Variants in LNX1 observed in about 807,000 individuals in gnomAD.
The protein encoded by LNX1 is E3 ubiquitin-protein ligase LNX.
In LNX1, 54 loss-of-function variants were observed where a neutral mutation model predicts 68.4. The observed-to-expected ratio is 0.79, with a 90% CI of 0.63 to 0.99. The LOEUF (loss-of-function observed/expected upper bound fraction) is 0.99. Ranked by LOEUF, LNX1 falls within the 50% of genes least tolerant of loss-of-function variation. The pLI, the probability that LNX1 is intolerant of heterozygous loss-of-function variation, is 0.00. For missense variants in LNX1, 906 were observed against 926.4 expected (o/e 0.98, Z 0.29); for synonymous variants, 336 against 350.0 (o/e 0.96, Z 0.45).
At position 53,545,802 on chromosome 4, in the gene LNX1, ATTT is replaced by A. The variant is rs71197029; in HGVS notation, c.380+27818_380+27820del. 3.1e-3 allele frequency among the ~76,000 whole-genome samples: 345 copies of A among 111,600 alleles called. 1 individual carries two copies. The highest frequency in any genetic ancestry group is 9.2e-3 in the African/African-American group (255 of 27,678). 73.2% of individuals were successfully genotyped at this position (111,600 alleles called of 152,430 possible). On this transcript the variant is annotated intron_variant, in intron 2 of 10. Transcript: ENST00000263925. The stretch of plus-strand genomic sequence containing the variant: ...AGATTTGAATGACTTCAGAGGCCAC[ATTT>A]TTTTTTTTTTTTTTTTTTTTGAGAC...
intron 9 of LNX1, among the ~76,000 whole-genome samples, chr4:53,470,442 C>T (rs1431635591): frequency 6.6e-6 from 1 of 152,158 alleles, no homozygotes; most frequent in African/African-American, 2.4e-5. Context: ...GACAGGGATG[C>T]CCTCTCTCAC....
At chr4:53,610,649 A>C (rs1403663903) in intron 2 of LNX1, among the ~76,000 whole-genome samples, 1 of 147,396 alleles carries the variant, frequency 6.8e-6, no homozygotes, top group Non-Finnish European at 1.5e-5. Context: ...CAGAGCCTGC[A>C]GTGAGCCGAG....
chr4:53,554,382 A>T (rs1278587009), intron 2 of LNX1, among the ~76,000 whole-genome samples: 1 of 152,236 alleles, frequency 6.6e-6, no homozygotes, highest in African/African-American at 2.4e-5. Context: ...AAGTCGTTAT[A>T]AACTATTGGC....
chr4:53,528,531 T>C (rs1444058653), intron 2 of LNX1, among the ~76,000 whole-genome samples: 1 of 152,230 alleles, frequency 6.6e-6, no homozygotes, highest in African/African-American at 2.4e-5. Flanking sequence ...AATTATTGTA[T>C]AGCATTGTTA....
In LNX1 at chr4:53,496,363, T is replaced by C; in HGVS notation, c.1010A>G (p.His337Arg). The C allele has an allele frequency of 6.2e-7, 1 of 1,613,172 alleles. No homozygotes were observed. Among genetic ancestry groups the C allele is most frequent in the Non-Finnish European group, 8.5e-7 (1 of 1,179,354 alleles). Residue 337 changes from histidine (H) to arginine (R), a missense_variant, in exon 6 of 11, where the codon CAC (histidine) becomes CGC (arginine). Physicochemically the swap from His to Arg is conservative, Grantham distance 29. Coordinates refer to ENST00000263925, the MANE Select transcript of LNX1 (RefSeq NM_001126328.3). ...CCGCAGGAGACGCACAGCGTAGTTGTGAGGGACATTGCTGATGTCCATCCC... is the reference window on the plus strand; with the variant it reads ...CCGCAGGAGACGCACAGCGTAGTTGCGAGGGACATTGCTGATGTCCATCCC... Reference protein sequence around the residue: ...VNGMDISNVPHNYAVRLLRQP... With the variant: ...VNGMDISNVPRNYAVRLLRQP...
chr4:53,620,860 C>T (rs556063106), upstream of LNX1, among the ~76,000 whole-genome samples: 54 of 152,230 alleles, frequency 3.5e-4, no homozygotes, highest in African/African-American at 1.1e-3. Context: ...TGCATGTGTT[C>T]GCCACTCAGG....
intron 1 of LNX1, among the ~76,000 whole-genome samples, chr4:53,650,239 A>G (rs907611620): frequency 2.0e-5 from 3 of 152,174 alleles, no homozygotes; most frequent in African/African-American, 7.2e-5. Context: ...CCTTAAATAC[A>G]TTACATAGGG....
At chr4:53,478,426 C>T (rs1049615880) in intron 8 of LNX1, 139 bp downstream of exon 8, 10 of 719,078 alleles carry the variant, frequency 1.4e-5, no homozygotes, top group Non-Finnish European at 2.1e-5. Context: ...TCAAACCAAT[C>T]ATGGTCAATG....
intron 1 of LNX1, among the ~76,000 whole-genome samples, chr4:53,584,060 C>G (rs369944320): frequency 6.6e-6 from 1 of 152,120 alleles, no homozygotes; most frequent in African/African-American, 2.4e-5. Context: ...GAGCTGATAT[C>G]AGAGGGGTAT....
chr4:53,460,257 C>G lies in LNX1; in HGVS notation c.*650G>C. 1 of 192,848 alleles carries G rather than the reference C, an allele frequency of 5.2e-6. No homozygotes were observed. Among genetic ancestry groups the G allele is most frequent in the Non-Finnish European group, 1.1e-5 (1 of 92,374 alleles). The allele number at this position is 192,848 out of a possible 1,614,324, so 11.9% of individuals were successfully genotyped here. A position where few individuals can be genotyped will look rare whatever the true frequency, so the allele number is the denominator to read the frequency against. ...TACTAACGATTGTGGAAAAAAAGAG[C>G]TTTAGCCATTTCTTACTAAAAACAA... On this transcript the variant is annotated 3_prime_UTR_variant, in exon 11 of 11. Coordinates refer to ENST00000263925, the MANE Select transcript of LNX1 (RefSeq NM_001126328.3).
At chr4:53,583,669 T>C (rs1440836955) in intron 1 of LNX1, among the ~76,000 whole-genome samples, 1 of 151,930 alleles carries the variant, frequency 6.6e-6, no homozygotes, top group Non-Finnish European at 1.5e-5. Flanking sequence ...AAGGAGGACA[T>C]AGATGTTCAG....
intron 1 of LNX1, among the ~76,000 whole-genome samples, chr4:53,648,224 T>C (rs1278623003): frequency 2.0e-5 from 3 of 152,364 alleles, no homozygotes; most frequent in East Asian, 3.9e-4. Flanking sequence ...CCATCAACAG[T>C]GCACAAGCAT....
At chr4:53,647,443 CAAT>C (rs1275076991) in intron 1 of LNX1, among the ~76,000 whole-genome samples, 2 of 152,132 alleles carry the variant, frequency 1.3e-5, no homozygotes, top group Non-Finnish European at 2.9e-5. Context: ...TGTGATTTAA[CAAT>C]GTCTCAGCCA....
In LNX1 at chr4:53,460,451, A is replaced by T. The variant is rs991867522; in HGVS notation, c.*456T>A. The T allele has an allele frequency of 1.2e-4, 24 of 192,348 alleles. No homozygotes were observed. The highest frequency in any genetic ancestry group is 4.3e-5 in the Non-Finnish European group (4 of 92,552). 11.9% of individuals were successfully genotyped at this position (192,348 alleles called of 1,614,324 possible). On this transcript the variant is annotated 3_prime_UTR_variant, in exon 11 of 11. Coordinates refer to ENST00000263925, the MANE Select transcript of LNX1 (RefSeq NM_001126328.3). Reference sequence around the variant, plus strand: ...TAATTAGTATCACATACTAAAAGACAACTATAACTTCTGAAAAATATTTAT... The same window carrying T: ...TAATTAGTATCACATACTAAAAGACTACTATAACTTCTGAAAAATATTTAT...
chr4:53,472,685 C>CAAAAAAAAAAAAAAAA (rs1309297098), intron 9 of LNX1, among the ~76,000 whole-genome samples: 1 of 74,780 alleles, frequency 1.3e-5, no homozygotes, highest in Non-Finnish European at 2.6e-5. Context: ...ACAACAACAA[C>CAAAAAAAAAAAAAAAA]AAAAAAAAAA....
At chr4:53,552,214 G>T (rs1729563871) in intron 2 of LNX1, among the ~76,000 whole-genome samples, 1 of 152,162 alleles carries the variant, frequency 6.6e-6, no homozygotes, top group Non-Finnish European at 1.5e-5. Flanking sequence ...CCGCCTAGCT[G>T]TCTTGTTGAT....
intron 2 of LNX1, among the ~76,000 whole-genome samples, chr4:53,611,589 A>C (rs1733500169): frequency 6.6e-6 from 1 of 152,158 alleles, no homozygotes; most frequent in East Asian, 1.9e-4. Flanking sequence ...TAGTTACTAG[A>C]ACTGTCTATA....
At chr4:53,650,744 G>C (rs548820305) in intron 1 of LNX1, among the ~76,000 whole-genome samples, 1 of 151,990 alleles carries the variant, frequency 6.6e-6, no homozygotes, top group East Asian at 1.9e-4. Context: ...AACTCACACA[G>C]ACTTAAAGGA....
intron 2 of LNX1, among the ~76,000 whole-genome samples, chr4:53,515,560 CT>C (rs1560639605): frequency 6.6e-6 from 1 of 151,858 alleles, no homozygotes; most frequent in South Asian, 2.1e-4. Context: ...AGAAACTGAT[CT>C]TTTTTTCATG....
Sources: gnomAD v4.1 joint callset for allele counts (sites outside exome capture counted in the v4.1 genomes callset) on GRCh38, gnomAD v4.1.1 for gene constraint, MANE v1.5 for transcripts, NCBI Gene and HGNC (gene_info 2026-07-23, HGNC 2026-07-21) for gene names.